The following OLFML1 variants were observed in gnomAD, a reference collection of about 807,000 sequenced individuals.
The protein encoded by OLFML1 is olfactomedin like 1, also known as olfactomedin-like protein 1.
A neutral mutation model predicts 37.3 loss-of-function variants in OLFML1; 33 were observed. That is an observed-to-expected ratio of 0.88 (90% CI 0.67 to 1.18). The LOEUF (loss-of-function observed/expected upper bound fraction) is 1.18. Among genes scored for constraint, OLFML1 ranks in the 50% most tolerant of loss-of-function variants. The pLI is 0.00. For synonymous variants in OLFML1, 186 were observed against 181.3 expected (o/e 1.03, Z -0.21); for missense variants, 545 against 483.7 (o/e 1.13, Z -1.19).
At chr11:7,486,094 T>C (rs1288409682) in intron 1 of OLFML1, 90 bp downstream of exon 1, 1 of 1,284,908 alleles carries the variant, frequency 7.8e-7, no homozygotes, top group Non-Finnish European at 1.1e-6. Flanking sequence ...TGGGTTGTAT[T>C]TTTCCCAGAT....
intron 2 of OLFML1, among the ~76,000 whole-genome samples, chr11:7,494,361 C>T (rs115709467): frequency 9.8e-5 from 15 of 152,304 alleles, no homozygotes; most frequent in African/African-American, 3.4e-4. Context: ...TTACTGAATG[C>T]GTATTATGTA....
chr11:7,509,877 G>C lies in OLFML1; in HGVS notation c.898G>C (p.Gly300Arg). ...SHLVLTKIEP[G>R]TLGVEHSWDT... ...TTTGGTTCTCACAAAGATTGAGCCG[G>C]GCACACTGGGAGTGGAGCATTCATG... is the stretch of plus-strand genomic sequence containing the variant. The change falls in exon 3 of 3, where the codon GGC (glycine) becomes CGC (arginine). Residue 300 changes from glycine (G) to arginine (R), a missense_variant. Transcript: ENST00000329293. The C allele has an allele frequency of 6.2e-7, 1 of 1,614,204 alleles. No homozygotes were observed. The highest frequency in any genetic ancestry group is 8.5e-7 in the Non-Finnish European group (1 of 1,180,040).
In OLFML1 at chr11:7,488,553, A is replaced by G. The variant is rs766060824; in HGVS notation, c.418+138A>G. The G allele has an allele frequency of 7.5e-4, 500 of 669,758 alleles. 2 individuals carry two copies. Among genetic ancestry groups the G allele is most frequent in the Non-Finnish European group, 1.1e-3 (433 of 401,084 alleles). The allele number at this position is 669,758 out of a possible 1,614,324, so 41.5% of individuals were successfully genotyped here. ...GTGCTTTTGTGTGCATTGCTGAGAGAGAAAGCTATACAGAGAACAGGTGTC... is the reference window on the plus strand; with the variant it reads ...GTGCTTTTGTGTGCATTGCTGAGAGGGAAAGCTATACAGAGAACAGGTGTC... On this transcript the variant is annotated intron_variant, in intron 2 of 2. Transcript: ENST00000329293.
intron 2 of OLFML1, among the ~76,000 whole-genome samples, chr11:7,494,297 T>G (rs1244025134): frequency 6.6e-6 from 1 of 152,218 alleles, no homozygotes; most frequent in Non-Finnish European, 1.5e-5. Flanking sequence ...GTTAAACTAG[T>G]TCACACTTGC....
At chr11:7,487,917 G>A (rs894192174) in intron 1 of OLFML1, among the ~76,000 whole-genome samples, 29 of 152,016 alleles carry the variant, frequency 1.9e-4, no homozygotes, top group Admixed American at 1.2e-3. Flanking sequence ...ATTTACATAT[G>A]TATGACTAAA....
chr11:7,494,613 A>G (rs1848639090), intron 2 of OLFML1, among the ~76,000 whole-genome samples: 1 of 152,220 alleles, frequency 6.6e-6, no homozygotes, highest in African/African-American at 2.4e-5. Flanking sequence ...TCTGCGGAGC[A>G]GTGATAAGCA....
Position 7,509,912 on chromosome 11 carries a change from A to G in OLFML1, c.933A>G (p.Pro311=), listed in dbSNP as rs1373889550. ...GAGTGGAGCATTCATGGGATACCCC[A>G]TGCAGAAGCCAGGATGCTGAAGCCT... is the stretch of plus-strand genomic sequence containing the variant. ...TLGVEHSWDT[P]CRSQDAEASF... is the part of the protein sequence containing the mutation. The change falls in exon 3 of 3, where the codon CCA becomes CCG. Residue 311 remains proline (P), a synonymous_variant. Transcript: ENST00000329293. 6.2e-7 allele frequency: 1 copy of G among 1,614,248 alleles called. No homozygotes were observed. Among genetic ancestry groups the G allele is most frequent in the East Asian group, 2.2e-5 (1 of 44,882 alleles).
In OLFML1 at chr11:7,488,572, A is replaced by T; in HGVS notation, c.418+157A>T. The T allele has an allele frequency of 5.2e-6, 3 of 580,794 alleles. No homozygotes were observed. The South Asian group carries it at 6.9e-5, about 13-fold the overall frequency. 36.0% of individuals were successfully genotyped at this position (580,794 alleles called of 1,614,324 possible). A position where few individuals can be genotyped will look rare whatever the true frequency, so the allele number is the denominator to read the frequency against. On this transcript the variant is annotated intron_variant, in intron 2 of 2. Coordinates refer to ENST00000329293, the MANE Select transcript of OLFML1 (RefSeq NM_198474.4). ...TGAGAGAGAAAGCTATACAGAGAAC[A>T]GGTGTCCAAAGAGAAATCCATTCTC...
At chr11:7,499,689 C>CAG (rs1249739435) in intron 2 of OLFML1, among the ~76,000 whole-genome samples, 1 of 152,188 alleles carries the variant, frequency 6.6e-6, no homozygotes, top group Non-Finnish European at 1.5e-5. Flanking sequence ...ATAGGAGAAG[C>CAG]AGAAGGAACA....
At chr11:7,489,408 C>A (rs748970772) in intron 2 of OLFML1, among the ~76,000 whole-genome samples, 25 of 151,828 alleles carry the variant, frequency 1.6e-4, no homozygotes, top group Non-Finnish European at 3.4e-4. Flanking sequence ...CATGTAGACC[C>A]GCAAATATGG....
chr11:7,492,238 C>T (rs1848607482), intron 2 of OLFML1, among the ~76,000 whole-genome samples: 1 of 152,194 alleles, frequency 6.6e-6, no homozygotes, highest in Non-Finnish European at 1.5e-5. Flanking sequence ...ATCTTCCTGT[C>T]TTCCAACCAT....
chr11:7,493,242 A>G (rs903777996), intron 2 of OLFML1, among the ~76,000 whole-genome samples: 3 of 152,218 alleles, frequency 2.0e-5, no homozygotes, highest in Non-Finnish European at 1.5e-5. Context: ...TTCAAATAAG[A>G]AAGTCTGTTG....
intron 2 of OLFML1, among the ~76,000 whole-genome samples, chr11:7,506,753 T>C (rs1590063856): frequency 1.3e-5 from 2 of 151,802 alleles, no homozygotes; most frequent in African/African-American, 4.8e-5. Context: ...TAACTAGGGG[T>C]TGATGGGTGA....
intron 2 of OLFML1, 38 bp from the exon 3 acceptor site, chr11:7,509,360 T>G (rs761561223): frequency 2.6e-6 from 4 of 1,511,464 alleles, no homozygotes; most frequent in Non-Finnish European, 3.6e-6. Context: ...CAGCTCATGT[T>G]TATAAAGTAA....
intron 2 of OLFML1, among the ~76,000 whole-genome samples, chr11:7,490,527 C>T (rs1848582950): frequency 1.3e-5 from 2 of 152,184 alleles, no homozygotes; most frequent in African/African-American, 4.8e-5. Flanking sequence ...TACCCTTTCC[C>T]ATTCCAGCTA....
intron 1 of OLFML1, among the ~76,000 whole-genome samples, chr11:7,486,262 T>C (rs1848522378): frequency 1.3e-5 from 2 of 152,206 alleles, no homozygotes; most frequent in African/African-American, 2.4e-5. Flanking sequence ...ATGGGGATAA[T>C]AGTAGAATTT....
At chr11:7,495,002 CTG>C (rs898475887) in intron 2 of OLFML1, among the ~76,000 whole-genome samples, 1 of 152,208 alleles carries the variant, frequency 6.6e-6, no homozygotes, top group African/African-American at 2.4e-5. Flanking sequence ...AATAAAACTC[CTG>C]TGTTTTCCCC....
intron 2 of OLFML1, among the ~76,000 whole-genome samples, chr11:7,496,541 A>C (rs1848663925): frequency 6.6e-6 from 1 of 152,180 alleles, no homozygotes; most frequent in Admixed American, 6.5e-5. Context: ...ACATGTTGAG[A>C]AAGGATAAAA....
Position 7,509,468 on chromosome 11 carries a change from T to C in OLFML1, c.489T>C (p.Ser163=). 6.2e-7 allele frequency: 1 copy of C among 1,614,112 alleles called. No individual in the cohort carries two copies. The highest frequency in any genetic ancestry group is 1.1e-5 in the South Asian group (1 of 91,070). The change falls in exon 3 of 3, where the codon TCT becomes TCC. Residue 163 remains serine (S), a synonymous_variant. Coordinates refer to ENST00000329293, the MANE Select transcript of OLFML1 (RefSeq NM_198474.4). ...AGAAGATGATGGACACACATGGCTCTTGGATGAAAGATGCTGTCTATAACT... is the reference window on the plus strand; with the variant it reads ...AGAAGATGATGGACACACATGGCTCCTGGATGAAAGATGCTGTCTATAACT... The part of the protein sequence containing the change: ...IVKKMMDTHG[S]WMKDAVYNSP...
Sources: allele counts gnomAD v4.1 joint callset (sites outside exome capture counted in the v4.1 genomes callset), GRCh38; gene constraint gnomAD v4.1.1; transcripts MANE v1.5; gene names NCBI Gene and HGNC (gene_info 2026-07-23, HGNC 2026-07-21).